LRP1B: variants seen among roughly 807,000 people sequenced by gnomAD.
LRP1B encodes low-density lipoprotein receptor-related protein 1B.
LRP1B carries 217 observed loss-of-function variants against 556.6 expected under a neutral mutation model. That is an observed-to-expected ratio of 0.39 (90% CI 0.35 to 0.44). The LOEUF is 0.44. LRP1B is among the 20% of genes least tolerant of loss of function. The pLI, the probability that LRP1B is intolerant of heterozygous loss-of-function variation, is 1.00. For missense variants in LRP1B, 5,053 were observed against 5,620.8 expected, an observed-to-expected ratio of 0.90 and a Z score of 3.23; for synonymous variants, 2,047 against 1,865.8, an observed-to-expected ratio of 1.10 and a Z score of -2.50.
chr2:141,166,366 T>TG (rs1680256477), intron 7 of LRP1B, among the ~76,000 whole-genome samples: 1 of 113,562 alleles, frequency 8.8e-6, no homozygotes, highest in Non-Finnish European at 2.2e-5. Context: ...TCTCTCTCAT[T>TG]CTTTTTTTTT....
chr2:140,934,718 GA>G (rs997998223), intron 20 of LRP1B, among the ~76,000 whole-genome samples: 1 of 152,058 alleles, frequency 6.6e-6, no homozygotes, highest in African/African-American at 2.4e-5. Flanking sequence ...TGTTGTCACT[GA>G]CCGCAAAGGT....
At chr2:140,739,041 G>T (rs1169093415) in intron 35 of LRP1B, among the ~76,000 whole-genome samples, 2 of 152,254 alleles carry the variant, frequency 1.3e-5, no homozygotes, top group Non-Finnish European at 2.9e-5. Flanking sequence ...GTGCAGCATG[G>T]TCTGCCACAT....
intron 3 of LRP1B, among the ~76,000 whole-genome samples, chr2:141,266,323 C>CA (rs34877238): frequency 0.035 from 2,590 of 73,142 alleles, 63 homozygotes; most frequent in African/African-American, 0.11. Flanking sequence ...GACTCTGTTT[C>CA]AAAAAAAAAA....
intron 2 of LRP1B, among the ~76,000 whole-genome samples, chr2:141,624,229 T>G (rs1688625068): frequency 6.6e-6 from 1 of 152,000 alleles, no homozygotes; most frequent in Admixed American, 6.6e-5. Context: ...AAACAAAATT[T>G]TTATTGCAAG....
Position 141,731,255 on chromosome 2 carries a change from T to A in LRP1B, c.205+79024A>T, listed in dbSNP as rs562482164. Among the ~76,000 whole-genome samples the A allele has an allele frequency of 9.9e-5, 15 of 152,198 alleles. No homozygotes were observed. In the South Asian group the frequency reaches 3.1e-3, roughly 32 times the overall value. ...TTCCCGGGCCCTATCCCACACTGACTCGGAATTTCCAGGCACAGTGTCTGG... is the reference window on the plus strand; with the variant it reads ...TTCCCGGGCCCTATCCCACACTGACACGGAATTTCCAGGCACAGTGTCTGG... On this transcript the variant is annotated intron_variant, in intron 2 of 90. Transcript: ENST00000389484.
chr2:140,307,451 C>G (rs1243819195), intron 83 of LRP1B, among the ~76,000 whole-genome samples: 2 of 151,788 alleles, frequency 1.3e-5, no homozygotes, highest in Non-Finnish European at 2.9e-5. Context: ...TGCTAAGAAG[C>G]TTCATATAAA....
chr2:141,582,504 A>G (rs16846523), intron 2 of LRP1B, among the ~76,000 whole-genome samples: 4,331 of 152,298 alleles, frequency 0.028, 97 homozygotes, highest in South Asian at 0.067. Flanking sequence ...AAAGAGAGGC[A>G]CTAGTTTTAC....
intron 2 of LRP1B, among the ~76,000 whole-genome samples, chr2:141,646,660 T>C (rs1270799337): frequency 6.6e-6 from 1 of 152,030 alleles, no homozygotes; most frequent in Non-Finnish European, 1.5e-5. Context: ...GGGAACCGTA[T>C]AAATAGTAAT....
At chr2:140,529,252 T>C (rs1301183194) in intron 47 of LRP1B, among the ~76,000 whole-genome samples, 1 of 152,080 alleles carries the variant, frequency 6.6e-6, no homozygotes, top group Non-Finnish European at 1.5e-5. Context: ...TCTAATATAC[T>C]TTAATTTTAC....
intron 1 of LRP1B, among the ~76,000 whole-genome samples, chr2:141,956,680 T>C (rs1225130910): frequency 6.6e-6 from 1 of 152,140 alleles, no homozygotes; most frequent in Non-Finnish European, 1.5e-5. Flanking sequence ...AGTCTTTAAA[T>C]TCTGTGTGGG....
chr2:140,253,850 C>T (rs1681560369), intron 86 of LRP1B, among the ~76,000 whole-genome samples: 1 of 152,084 alleles, frequency 6.6e-6, no homozygotes, highest in Non-Finnish European at 1.5e-5. Flanking sequence ...ACATTAGACA[C>T]ACTGGTTACA....
chr2:140,755,732 A>G (rs1233877463), intron 35 of LRP1B, among the ~76,000 whole-genome samples: 1 of 152,074 alleles, frequency 6.6e-6, no homozygotes, highest in Non-Finnish European at 1.5e-5. Flanking sequence ...TTAATGGATA[A>G]TGACTGGATA....
At chr2:140,491,358 G>T (rs1337841184) in intron 57 of LRP1B, among the ~76,000 whole-genome samples, 1 of 152,000 alleles carries the variant, frequency 6.6e-6, no homozygotes, top group Non-Finnish European at 1.5e-5. Context: ...ACATATGTGT[G>T]TGTGTGTATA....
intron 1 of LRP1B, among the ~76,000 whole-genome samples, chr2:141,905,076 C>G (rs1428135355): frequency 6.6e-6 from 1 of 151,560 alleles, no homozygotes; most frequent in Non-Finnish European, 1.5e-5. Context: ...TAATGGGAGT[C>G]CAGAGGTAAA....
intron 1 of LRP1B, among the ~76,000 whole-genome samples, chr2:142,031,436 C>T (rs1372839855): frequency 7.7e-6 from 1 of 129,818 alleles, no homozygotes; most frequent in African/African-American, 2.8e-5. Context: ...GCTGCACCCA[C>T]TAATGTGTCA....
chr2:141,434,215 C>A (rs1231600733), intron 3 of LRP1B, among the ~76,000 whole-genome samples: 1 of 152,128 alleles, frequency 6.6e-6, no homozygotes, highest in East Asian at 1.9e-4. Context: ...TTCTGCTATT[C>A]TATTATGGGT....
At chr2:140,799,674 C>T (rs1182894036) in intron 32 of LRP1B, among the ~76,000 whole-genome samples, 1 of 152,130 alleles carries the variant, frequency 6.6e-6, no homozygotes, top group African/African-American at 2.4e-5. Flanking sequence ...GCATATATCT[C>T]AGTGCATATA....
chr2:140,905,202 C>T (rs1265935999), intron 22 of LRP1B, among the ~76,000 whole-genome samples: 2 of 152,008 alleles, frequency 1.3e-5, no homozygotes, highest in Non-Finnish European at 2.9e-5. Flanking sequence ...TGATTTCATC[C>T]TGCTGCCCTC....
chr2:141,267,578 TA>T (rs1370020952), intron 3 of LRP1B, among the ~76,000 whole-genome samples: 1 of 152,264 alleles, frequency 6.6e-6, no homozygotes, highest in Admixed American at 6.5e-5. Flanking sequence ...CTAGAGTTAT[TA>T]ATAATAAAAT....
Sources: allele counts gnomAD v4.1 joint callset (sites outside exome capture counted in the v4.1 genomes callset), GRCh38; gene constraint gnomAD v4.1.1; transcripts MANE v1.5; gene names NCBI Gene and HGNC (gene_info 2026-07-23, HGNC 2026-07-21).